Variants in MTMR7 observed in about 807,000 individuals in gnomAD.
The protein encoded by MTMR7 is myotubularin related protein 7.
Under a neutral mutation model 81.2 loss-of-function variants are expected in MTMR7, and 76 were observed. That is an observed-to-expected ratio of 0.94 (90% CI 0.78 to 1.13). The LOEUF (loss-of-function observed/expected upper bound fraction) is 1.13. MTMR7 is among the 50% of genes most tolerant of loss of function. The probability of loss-of-function intolerance (pLI) is 0.00; values close to 1 mark genes in which losing one functional copy is unlikely to be tolerated. For synonymous variants in MTMR7, 372 were observed against 289.8 expected, an observed-to-expected ratio of 1.28 and a Z score of -2.88; for missense variants, 1,044 against 820.0, an observed-to-expected ratio of 1.27 and a Z score of -3.34.
At chr8:17,301,944 G>A in intron 13 of MTMR7, 1 of 502,840 alleles carries the variant, frequency 2.0e-6, no homozygotes, top group Non-Finnish European at 3.3e-6. Context: ...GTGGAACTGA[G>A]CCACAAACCA....
In MTMR7 at chr8:17,312,261, C is replaced by G. The variant is rs117031082; in HGVS notation, c.976-625G>C. On this transcript the variant is annotated intron_variant, in intron 8 of 13. Coordinates refer to ENST00000180173, the MANE Select transcript of MTMR7 (RefSeq NM_004686.5). ...ATAGCATTTATCACTACCTAAAATT[C>G]TAGTTTTATTAGTTTATTAATACTC... Among the ~76,000 whole-genome samples the G allele has an allele frequency of 3.6e-4, 55 of 152,216 alleles. No individual in the cohort carries two copies. The East Asian group carries it at 8.1e-3, about 22-fold the overall frequency.
chr8:17,317,964 G>C (rs1296499187), intron 7 of MTMR7, among the ~76,000 whole-genome samples: 1 of 152,026 alleles, frequency 6.6e-6, no homozygotes, highest in Non-Finnish European at 1.5e-5. Context: ...AGGTGGGTAA[G>C]TTATTATATG....
intron 5 of MTMR7, chr8:17,346,296 T>C (rs1051089075): frequency 6.6e-6 from 1 of 152,208 alleles, no homozygotes; most frequent in South Asian, 2.1e-4. Context: ...CGGGCAGGTG[T>C]GTGCTCACTC....
intron 4 of MTMR7, among the ~76,000 whole-genome samples, chr8:17,350,847 G>C (rs1263583242): frequency 6.6e-6 from 1 of 152,202 alleles, no homozygotes; most frequent in Non-Finnish European, 1.5e-5. Flanking sequence ...TCTAATTTCA[G>C]GGTTCTACCA....
intron 1 of MTMR7, among the ~76,000 whole-genome samples, chr8:17,379,046 G>A (rs1820680598): frequency 6.6e-6 from 1 of 152,170 alleles, no homozygotes; most frequent in East Asian, 1.9e-4. Flanking sequence ...AAATGGACAG[G>A]CAGGAGGACA....
At chr8:17,334,398 A>G (rs1563342122) in intron 6 of MTMR7, among the ~76,000 whole-genome samples, 1 of 152,222 alleles carries the variant, frequency 6.6e-6, no homozygotes, top group African/African-American at 2.4e-5. Context: ...TGAGAACTCC[A>G]TTTCACAACT....
At chr8:17,409,420 C>T (rs1821680854) in intron 1 of MTMR7, among the ~76,000 whole-genome samples, 1 of 123,220 alleles carries the variant, frequency 8.1e-6, no homozygotes, top group African/African-American at 2.5e-5. Context: ...GCCAAGATCA[C>T]ACCAGTGCAC....
intron 7 of MTMR7, among the ~76,000 whole-genome samples, chr8:17,329,992 G>C (rs1818913369): frequency 6.6e-6 from 1 of 152,178 alleles, no homozygotes; most frequent in Admixed American, 6.5e-5. Context: ...GTCACAGCTG[G>C]AAGACCCATA....
chr8:17,386,627 T>A (rs1820951737), intron 1 of MTMR7, among the ~76,000 whole-genome samples: 1 of 138,134 alleles, frequency 7.2e-6, no homozygotes, highest in Non-Finnish European at 1.6e-5. Flanking sequence ...TTGCTGGCTC[T>A]CAGCAGGCTC....
chr8:17,406,590 G>C (rs769639660), intron 1 of MTMR7, among the ~76,000 whole-genome samples: 54 of 152,176 alleles, frequency 3.5e-4, no homozygotes, highest in Non-Finnish European at 6.5e-4. Context: ...GCCTTAAAAT[G>C]ATAACCACAA....
chr8:17,371,372 T>A (rs1820415737), intron 2 of MTMR7, among the ~76,000 whole-genome samples, 173 bp from the exon 3 acceptor site: 1 of 152,206 alleles, frequency 6.6e-6, no homozygotes, highest in Non-Finnish European at 1.5e-5. Flanking sequence ...AGAACCAACT[T>A]CCTAAATTTA....
At position 17,335,663 on chromosome 8, in the gene MTMR7, C is replaced by T. The variant is rs1819214831; in HGVS notation, c.733-4381G>A. ...TCTCTCCCTCCTATATAACTGGTTA[C>T]AGGAAGAAACTTCACTTGTGGTGCA... On this transcript the variant is annotated intron_variant, in intron 6 of 13. Transcript: ENST00000180173. 2.0e-5 allele frequency among the ~76,000 whole-genome samples: 3 copies of T among 152,216 alleles called. 1 individual carries two copies. In the South Asian group the frequency reaches 6.2e-4, roughly 31 times the overall value.
At chr8:17,373,006 A>C (rs967235057) in intron 2 of MTMR7, 112 bp downstream of exon 2, 3 of 1,310,270 alleles carry the variant, frequency 2.3e-6, no homozygotes, top group Non-Finnish European at 3.2e-6. Context: ...GTTCCCCAAC[A>C]TCCAGGCACA....
chr8:17,408,281 T>C (rs949984627), intron 1 of MTMR7, among the ~76,000 whole-genome samples: 1 of 111,300 alleles, frequency 9.0e-6, no homozygotes, highest in Admixed American at 1.2e-4. Flanking sequence ...CCCACCTACT[T>C]GGGAGGCTGA....
intron 7 of MTMR7, among the ~76,000 whole-genome samples, chr8:17,328,161 T>G (rs1818788623): frequency 6.6e-6 from 1 of 152,186 alleles, no homozygotes; most frequent in Admixed American, 6.5e-5. Flanking sequence ...GCAAGTTGAT[T>G]GGCAGAGGAG....
At chr8:17,400,288 AC>A (rs546348225) in intron 1 of MTMR7, among the ~76,000 whole-genome samples, 20 of 152,266 alleles carry the variant, frequency 1.3e-4, no homozygotes, top group Non-Finnish European at 2.6e-4. Flanking sequence ...CCTCAAAATC[AC>A]CCTAAGAGGT....
rs1817795310 is a variant in MTMR7 at position 17,311,777 on chromosome 8, C to A, written c.976-141G>T. ...CCTGTCCATTCGTCTGTTTAGGGCC[C>A]CCCCTAATTAGGGCAGAGCCAGAGT... On this transcript the variant is annotated intron_variant, in intron 8 of 13. Transcript: ENST00000180173. 12 of 1,328,814 alleles carry A rather than the reference C, an allele frequency of 9.0e-6. No homozygotes were observed. In the South Asian group the frequency reaches 1.5e-4, roughly 17 times the overall value. 82.3% of individuals were successfully genotyped at this position (1,328,814 alleles called of 1,614,324 possible). A position where few individuals can be genotyped will look rare whatever the true frequency, so the allele number is the denominator to read the frequency against.
rs1320881832 is a variant in MTMR7 at position 17,296,878 on chromosome 8, C to A, written c.*2984G>T. On this transcript the variant is annotated 3_prime_UTR_variant, in exon 14 of 14. Coordinates refer to ENST00000180173, the MANE Select transcript of MTMR7 (RefSeq NM_004686.5). ...CATTCATTGGATAACCTTGTTACAA[C>A]CCAGTCATGAAACAGAGCAGTGTGA... 1 of 152,126 alleles carries A rather than the reference C, an allele frequency of 6.6e-6. No individual in the cohort carries two copies. The highest frequency in any genetic ancestry group is 2.4e-5 in the African/African-American group (1 of 41,426). 9.4% of individuals were successfully genotyped at this position (152,126 alleles called of 1,614,324 possible).
rs1163687598 is a variant in MTMR7, at chr8:17,346,278, A to T, written c.597+2675T>A. The T allele has an allele frequency of 2.0e-5, 3 of 152,048 alleles. No individual in the cohort carries two copies. In the East Asian group the frequency reaches 5.8e-4, roughly 29 times the overall value. The allele number at this position is 152,048 out of a possible 1,614,324, so 9.4% of individuals were successfully genotyped here. The stretch of plus-strand genomic sequence containing the variant: ...AATAGATTTCAGTTCATGGGGTGGG[A>T]GAGTGGGCGGGCAGGTGTGTGCTCA... On this transcript the variant is annotated intron_variant, in intron 5 of 13. Coordinates refer to ENST00000180173, the MANE Select transcript of MTMR7 (RefSeq NM_004686.5).
Sources: allele counts gnomAD v4.1 joint callset (sites outside exome capture counted in the v4.1 genomes callset), GRCh38; gene constraint gnomAD v4.1.1; transcripts MANE v1.5; gene names NCBI Gene and HGNC (gene_info 2026-07-23, HGNC 2026-07-21).